MAML2: variants seen among roughly 807,000 people sequenced by gnomAD.
MAML2 encodes mastermind-like protein 2.
In MAML2, 22 loss-of-function variants were observed where a neutral mutation model predicts 96.1. That is an observed-to-expected ratio of 0.23 (90% CI 0.16 to 0.33). MAML2 has a LOEUF of 0.33. MAML2 is among the 10% of genes least tolerant of loss of function. The probability of loss-of-function intolerance (pLI) is 1.00; values close to 1 mark genes in which losing one functional copy is unlikely to be tolerated. For missense variants in MAML2, 1,367 were observed against 1,392.4 expected (o/e 0.98, Z 0.29); for synonymous variants, 561 against 521.3 (o/e 1.08, Z -1.04).
Position 95,979,075 on chromosome 11 carries a change from T to C in MAML2, c.3344A>G (p.Asn1115Ser), listed in dbSNP as rs528001653. The change falls in exon 5 of 5, where the codon AAT becomes AGT. Residue 1115 changes from asparagine to serine, a missense_variant. Transcript: ENST00000524717. The part of the protein sequence containing the change: ...DLAFDFLSQQ[N>S]DNMGPALNSD... ...GTTTAGGGCAGGGCCCATGTTATCA[T>C]TTTGTTGGCTGAGGAAGTCAAAAGC... 12 of 1,614,008 alleles carry C rather than the reference T, an allele frequency of 7.4e-6. No homozygotes were observed. In the East Asian group the frequency reaches 2.2e-4, roughly 30 times the overall value.
intron 2 of MAML2, among the ~76,000 whole-genome samples, chr11:96,014,607 A>G (rs1357970751): frequency 1.3e-5 from 2 of 152,214 alleles, no homozygotes; most frequent in Non-Finnish European, 2.9e-5. Context: ...AAAAAACTCT[A>G]ACTGGTTCTG....
intron 2 of MAML2, among the ~76,000 whole-genome samples, chr11:96,025,592 C>T (rs1858505032): frequency 2.0e-5 from 3 of 152,186 alleles, no homozygotes; most frequent in Non-Finnish European, 2.9e-5. Flanking sequence ...CTCGCTCTGT[C>T]GCCCAGGCTG....
At chr11:96,148,083 G>A (rs1054370726) in intron 1 of MAML2, among the ~76,000 whole-genome samples, 10 of 152,136 alleles carry the variant, frequency 6.6e-5, no homozygotes, top group African/African-American at 1.2e-4. Flanking sequence ...TCTCTCCTGC[G>A]TATACACGAC....
chr11:96,212,699 G>C (rs1344673244), intron 1 of MAML2, among the ~76,000 whole-genome samples: 1 of 152,120 alleles, frequency 6.6e-6, no homozygotes, highest in Non-Finnish European at 1.5e-5. Flanking sequence ...CGGCAGAAGA[G>C]AGAAAGAAGG....
intron 1 of MAML2, among the ~76,000 whole-genome samples, chr11:96,110,513 G>T (rs1205202794): frequency 6.6e-6 from 1 of 152,168 alleles, no homozygotes; most frequent in African/African-American, 2.4e-5. Context: ...CATACAGTTT[G>T]TTTCTTCTGC....
At chr11:96,300,942 C>A (rs988498905) in intron 1 of MAML2, among the ~76,000 whole-genome samples, 5 of 152,186 alleles carry the variant, frequency 3.3e-5, no homozygotes, top group Non-Finnish European at 7.3e-5. Context: ...GTTTCCTTTT[C>A]TGTACAATGA....
intron 1 of MAML2, among the ~76,000 whole-genome samples, chr11:96,153,909 C>CTAAA (rs1555016884): frequency 8.6e-6 from 1 of 116,900 alleles, no homozygotes; most frequent in Non-Finnish European, 1.9e-5. Context: ...AAGACTCCGT[C>CTAAA]TCAATAAATA....
intron 1 of MAML2, among the ~76,000 whole-genome samples, chr11:96,243,883 C>T (rs1862475353): frequency 1.3e-5 from 2 of 152,078 alleles, no homozygotes; most frequent in Non-Finnish European, 2.9e-5. Context: ...TGTCGTGATC[C>T]GCCCATCTTG....
intron 1 of MAML2, among the ~76,000 whole-genome samples, chr11:96,274,077 CTTTTTTT>C (rs992096555): frequency 1.7e-4 from 16 of 91,794 alleles, no homozygotes; most frequent in Admixed American, 1.4e-3. Context: ...TTTCCTTTTC[CTTTTTTT>C]TTTTTTTTTT....
chr11:96,124,161 A>G (rs1860398538), intron 1 of MAML2, among the ~76,000 whole-genome samples: 1 of 150,932 alleles, frequency 6.6e-6, no homozygotes, highest in South Asian at 2.1e-4. Context: ...TGGCTGTCAC[A>G]GTTCTGTGGC....
intron 1 of MAML2, among the ~76,000 whole-genome samples, chr11:96,231,114 A>G (rs1343735802): frequency 2.0e-5 from 3 of 152,222 alleles, no homozygotes; most frequent in Non-Finnish European, 4.4e-5. Flanking sequence ...AATAATTTAT[A>G]AGAAAAAATC....
intron 1 of MAML2, among the ~76,000 whole-genome samples, chr11:96,173,688 C>T (rs1277371887): frequency 6.6e-6 from 1 of 152,132 alleles, no homozygotes; most frequent in East Asian, 1.9e-4. Context: ...GGAAGTGGAC[C>T]CTCAGCGATG....
In MAML2 at chr11:96,007,653, T is replaced by C. The variant is rs187024781; in HGVS notation, c.2140-15930A>G. 4.2e-3 allele frequency among the ~76,000 whole-genome samples: 633 copies of C among 151,986 alleles called. 6 individuals carry two copies. The South Asian group carries it at 0.043, about 10-fold the overall frequency. On this transcript the variant is annotated intron_variant, in intron 2 of 4. Transcript: ENST00000524717. The stretch of plus-strand genomic sequence containing the variant: ...TGATAGAAAGTAGATATTAAGTATA[T>C]ATTTGTTGTTAAGTAAACAACTAAA...
At chr11:96,047,768 G>T (rs985697646) in intron 2 of MAML2, among the ~76,000 whole-genome samples, 3 of 151,792 alleles carry the variant, frequency 2.0e-5, no homozygotes, top group African/African-American at 7.3e-5. Context: ...AATTAGCTGG[G>T]CATGGTGGTG....
intron 1 of MAML2, among the ~76,000 whole-genome samples, chr11:96,223,858 T>C (rs1250230813): frequency 6.6e-6 from 1 of 152,194 alleles, no homozygotes; most frequent in African/African-American, 2.4e-5. Flanking sequence ...ACTCTCTCAA[T>C]TTGTAGTTTG....
chr11:96,019,703 A>C (rs1858407756), intron 2 of MAML2, among the ~76,000 whole-genome samples: 1 of 148,376 alleles, frequency 6.7e-6, no homozygotes, highest in Non-Finnish European at 1.5e-5. Flanking sequence ...TAATAATAAT[A>C]ATAATAATAA....
chr11:96,161,917 G>C (rs552816480), intron 1 of MAML2, among the ~76,000 whole-genome samples: 12 of 152,280 alleles, frequency 7.9e-5, no homozygotes, highest in Middle Eastern at 3.4e-3. Context: ...TCTTACAACA[G>C]GTTGGTGCCA....
At chr11:96,299,548 C>G (rs1439009593) in intron 1 of MAML2, among the ~76,000 whole-genome samples, 1 of 152,072 alleles carries the variant, frequency 6.6e-6, no homozygotes, top group East Asian at 1.9e-4. Context: ...AGGCCTCGCC[C>G]TCAGACAAAA....
intron 2 of MAML2, among the ~76,000 whole-genome samples, chr11:96,044,118 A>G (rs1170423227): frequency 6.6e-6 from 1 of 152,210 alleles, no homozygotes; most frequent in Non-Finnish European, 1.5e-5. Flanking sequence ...TTGCTAACCA[A>G]GGGACTGGAT....
Sources: gnomAD v4.1 joint callset for allele counts (sites outside exome capture counted in the v4.1 genomes callset) on GRCh38, gnomAD v4.1.1 for gene constraint, MANE v1.5 for transcripts, NCBI Gene and HGNC (gene_info 2026-07-23, HGNC 2026-07-21) for gene names.